Variants in PLA2G4B observed in about 807,000 individuals in gnomAD.
PLA2G4B encodes the protein cytosolic phospholipase A2 beta.
Under a neutral mutation model 95.8 loss-of-function variants are expected in PLA2G4B, and 122 were observed. That is an observed-to-expected ratio of 1.27 (90% confidence interval 1.10 to 1.48). The LOEUF is 1.48. PLA2G4B is among the 40% of genes most tolerant of loss of function. The probability of loss-of-function intolerance (pLI) is 0.00; values close to 1 mark genes in which losing one functional copy is unlikely to be tolerated. For missense variants in PLA2G4B, 1,158 were observed against 996.2 expected (o/e 1.16, Z -2.19); for synonymous variants, 518 against 421.5 (o/e 1.23, Z -2.80).
intron 18 of PLA2G4B, 62 bp downstream of exon 18, chr15:41,846,897 G>T: frequency 6.6e-7 from 1 of 1,506,868 alleles, no homozygotes; most frequent in Non-Finnish European, 8.9e-7. Flanking sequence ...CTGAAGAGAG[G>T]GGCTTTGGAG....
chr15:41,840,848 T>A lies in PLA2G4B; in HGVS notation c.294T>A (p.Asp98Glu). ...GDDPVLSVLFDAGTLRAGEFR... is the reference protein window; with the variant it reads ...GDDPVLSVLFEAGTLRAGEFR... ...ACCCTGTGTTGTCAGTACTGTTTGA[T>A]GCGGGGACTCTGCGGGCTGGGGAGT... Residue 98 changes from aspartate to glutamate, a missense_variant, in exon 4 of 20, where the codon GAT (aspartate) becomes GAA (glutamate). Transcript: ENST00000458483. 6.2e-7 allele frequency: 1 copy of A among 1,614,042 alleles called. No individual in the cohort carries two copies.
Position 41,847,537 on chromosome 15 carries a change from C to G in PLA2G4B, c.2134+14C>G. 6.2e-7 allele frequency: 1 copy of G among 1,602,534 alleles called. No homozygotes were observed. The highest frequency in any genetic ancestry group is 1.7e-5 in the Admixed American group (1 of 59,696). On this transcript the variant is annotated intron_variant, in intron 19 of 19. Coordinates refer to ENST00000458483, the MANE Select transcript of PLA2G4B (RefSeq NM_001114633.2). ...ACTCGGCCCCTGGTGAGCTGCTGTTCACCTCCCCATCCTGCTGCCCCAGTC... is the reference window on the plus strand; with the variant it reads ...ACTCGGCCCCTGGTGAGCTGCTGTTGACCTCCCCATCCTGCTGCCCCAGTC...
intron 14 of PLA2G4B, 137 bp downstream of exon 14, chr15:41,845,457 A>C: frequency 6.9e-7 from 1 of 1,441,470 alleles, no homozygotes; most frequent in Non-Finnish European, 9.3e-7. Context: ...CCGGCACCCT[A>C]CCAGGGTCCC....
rs773348198 is a variant in PLA2G4B, at chr15:41,847,890, C to G, written c.*30C>G. 21 of 1,594,560 alleles carry G rather than the reference C, an allele frequency of 1.3e-5. No homozygotes were observed. In the South Asian group the frequency reaches 2.2e-4, roughly 17 times the overall value. ...CGGGGCCCCTGCCACCCCTAACTCT[C>G]ATTCATTCCCTGGCTGCTGAGTTGC... is the stretch of plus-strand genomic sequence containing the variant. On this transcript the variant is annotated 3_prime_UTR_variant, in exon 20 of 20. Coordinates refer to ENST00000458483, the MANE Select transcript of PLA2G4B (RefSeq NM_001114633.2).
chr15:41,845,321 G>T lies in PLA2G4B; in HGVS notation c.1357+1G>T. The T allele has an allele frequency of 3.1e-6, 5 of 1,613,746 alleles. No homozygotes were observed. Among genetic ancestry groups the T allele is most frequent in the South Asian group, 1.1e-5 (1 of 91,040 alleles). On this transcript the variant is annotated splice_donor_variant, in intron 14 of 19. Transcript: ENST00000458483. LOFTEE classifies it high-confidence loss of function. ...AGCCTGACCACTTTTGAATTTGGGG[G>T]TGAGTGGCCCAAGAGCTGAGACCTG...
At position 41,846,493 on chromosome 15, in the gene PLA2G4B, A is replaced by T. The variant is rs968718635; in HGVS notation, c.1780+111A>T. On this transcript the variant is annotated intron_variant, in intron 17 of 19. Coordinates refer to ENST00000458483, the MANE Select transcript of PLA2G4B (RefSeq NM_001114633.2). ...TCCTGCTTTGAGCTTGATTCCCTGG[A>T]CTACTTGGAACAGGGGTCTTTTTCT... 6 of 1,510,776 alleles carry T rather than the reference A, an allele frequency of 4.0e-6. No homozygotes were observed. In the African/African-American group the frequency reaches 8.4e-5, roughly 21 times the overall value. 93.6% of individuals were successfully genotyped at this position (1,510,776 alleles called of 1,614,324 possible).
chr15:41,845,090 G>A lies in PLA2G4B; in HGVS notation c.1239+20G>A, dbSNP rs1199274985. The A allele has an allele frequency of 1.3e-6, 2 of 1,595,696 alleles. No homozygotes were observed. The highest frequency in any genetic ancestry group is 2.7e-5 in the African/African-American group (2 of 74,460). ...GATGAGGTGCGGGGGCTGCGGCCTG[G>A]GGGCAGAGCCAGGGCAAGGGCTGGA... On this transcript the variant is annotated intron_variant, in intron 13 of 19. Transcript: ENST00000458483.
chr15:41,841,894 C>T lies in PLA2G4B; in HGVS notation c.566C>T (p.Thr189Ile), dbSNP rs371108536. The T allele has an allele frequency of 2.5e-6, 4 of 1,613,232 alleles. 1 individual carries two copies. Among genetic ancestry groups the T allele is most frequent in the African/African-American group, 1.3e-5 (1 of 74,896 alleles). The change falls in exon 8 of 20, where the codon ACC becomes ATC. Residue 189 changes from threonine (T) to isoleucine (I), a missense_variant. By Grantham distance (89) the Thr-to-Ile change is moderately conservative. Transcript: ENST00000458483. ...GPQEASVGTGTFRFHCPACWE... is the reference protein window; with the variant it reads ...GPQEASVGTGIFRFHCPACWE... ...CAGGAGGCCTCTGTGGGCACTGGCA[C>T]CTTCCGCTTCCACTGCCCAGCCTGC...
At position 41,841,085 on chromosome 15, in the gene PLA2G4B, C is replaced by T. The variant is rs141716167; in HGVS notation, c.382C>T (p.Leu128=). The T allele has an allele frequency of 2.8e-4, 444 of 1,592,908 alleles. 1 individual carries two copies. In the African/African-American group the frequency reaches 5.2e-3, roughly 19 times the overall value. The stretch of plus-strand genomic sequence containing the variant: ...GGGGCGCCTGGAAGTTGAATTTCGC[C>T]TGCAGAGTCTGTGAGTCAGGGGCCT... The part of the protein sequence containing the change: ...GEGRLEVEFR[L]QSLADRGEWL... The change falls in exon 5 of 20, where the codon CTG becomes TTG. Residue 128 remains leucine (L), a synonymous_variant. Transcript: ENST00000458483.
At chr15:41,845,615 G>A (rs930178277) in intron 14 of PLA2G4B, 23 bp from the exon 15 acceptor site, 4 of 1,613,936 alleles carry the variant, frequency 2.5e-6, no homozygotes, top group Admixed American at 1.7e-5. Context: ...GCACCATGAG[G>A]CTGAGGCGTG....
At chr15:41,842,370 C>T (rs560499214) in intron 9 of PLA2G4B, 94 bp downstream of exon 9, 1 of 1,574,150 alleles carries the variant, frequency 6.4e-7, no homozygotes, top group African/African-American at 1.4e-5. Context: ...CTCCGTGGGT[C>T]ACACCCTGAG....
intron 9 of PLA2G4B, 108 bp from the exon 10 acceptor site, chr15:41,842,446 G>T: frequency 6.4e-7 from 1 of 1,550,788 alleles, no homozygotes; most frequent in Non-Finnish European, 8.7e-7. Flanking sequence ...CCTGGCGCCT[G>T]TGGAGACGGT....
Position 41,846,324 on chromosome 15 carries a change from G to C in PLA2G4B, c.1722G>C (p.Leu574=), listed in dbSNP as rs768597358. Residue 574 remains leucine, a synonymous_variant, in exon 17 of 20, where the codon CTG becomes CTC. Transcript: ENST00000458483. ...RPLAQATHNF[L]RGLHFHKDYF... ...TGGCCCAGGCCACACATAATTTCCT[G>C]CGTGGCCTCCATTTCCACAAAGACT... The C allele has an allele frequency of 6.2e-7, 1 of 1,612,324 alleles. No homozygotes were observed. The highest frequency in any genetic ancestry group is 8.5e-7 in the Non-Finnish European group (1 of 1,178,438).
intron 10 of PLA2G4B, 170 bp downstream of exon 10, chr15:41,842,761 G>A (rs1428243329): frequency 2.8e-5 from 30 of 1,060,270 alleles, no homozygotes; most frequent in Non-Finnish European, 3.6e-5. Flanking sequence ...AGGAGTACTG[G>A]GAGGAGTCTT....
chr15:41,844,715 C>T lies in PLA2G4B; in HGVS notation c.1016+108C>T. On this transcript the variant is annotated intron_variant, in intron 12 of 19. Transcript: ENST00000458483. ...AGAAGGGCTGGGAGAATGAATGTGC[C>T]AGGGAGAAACGTGCTCAAGGGGACC... 5 of 1,582,032 alleles carry T rather than the reference C, an allele frequency of 3.2e-6. No homozygotes were observed. The South Asian group carries it at 4.6e-5, about 14-fold the overall frequency.
rs1567175124 is a variant in PLA2G4B, at chr15:41,848,030, A to T, written c.*170A>T. ...GCGCCTCAGCAGTTTGCAGTGGGGT[A>T]AGGAGGCCAAGCCCATTTGTGTAAT... On this transcript the variant is annotated 3_prime_UTR_variant, in exon 20 of 20. Coordinates refer to ENST00000458483, the MANE Select transcript of PLA2G4B (RefSeq NM_001114633.2). 2 of 869,700 alleles carry T rather than the reference A, an allele frequency of 2.3e-6. No individual in the cohort carries two copies. Among genetic ancestry groups the T allele is most frequent in the Non-Finnish European group, 3.4e-6 (2 of 581,874 alleles). The allele number at this position is 869,700 out of a possible 1,614,324, so 53.9% of individuals were successfully genotyped here.
At chr15:41,839,044 C>A in intron 1 of PLA2G4B, 122 bp downstream of exon 1, 1 of 771,968 alleles carries the variant, frequency 1.3e-6, no homozygotes, top group South Asian at 1.8e-5. Flanking sequence ...GTTTATTGAC[C>A]ACAAGACCAG....
intron 18 of PLA2G4B, 133 bp from the exon 19 acceptor site, chr15:41,847,204 C>A: frequency 7.2e-7 from 1 of 1,383,200 alleles, no homozygotes; most frequent in Non-Finnish European, 9.6e-7. Context: ...TTTTTTCCAA[C>A]GACTGGCTTC....
At chr15:41,843,387 G>T (rs930357085) in intron 10 of PLA2G4B, among the ~76,000 whole-genome samples, 19 of 152,142 alleles carry the variant, frequency 1.2e-4, no homozygotes, top group Non-Finnish European at 2.2e-4. Context: ...GGAGGGGGGG[G>T]ATCTATGGTA....
Sources: allele counts gnomAD v4.1 joint callset (sites outside exome capture counted in the v4.1 genomes callset), GRCh38; gene constraint gnomAD v4.1.1; transcripts MANE v1.5; gene names NCBI Gene and HGNC (gene_info 2026-07-23, HGNC 2026-07-21).